The following BCAS3 variants were observed in gnomAD, a reference collection of about 807,000 sequenced individuals.
The protein encoded by BCAS3 is BCAS3 microtubule associated cell migration factor, also known as BCAS4/BCAS3 fusion.
BCAS3 carries 53 observed loss-of-function variants against 116.1 expected under a neutral mutation model. The ratio of observed to expected loss-of-function variants is 0.46; its 90% CI spans 0.37 to 0.57. The LOEUF (loss-of-function observed/expected upper bound fraction) is 0.57, where lower values mean the gene tolerates loss of function less well. Ranked by LOEUF, BCAS3 falls within the 20% of genes least tolerant of loss-of-function variation. The probability of loss-of-function intolerance (pLI) is 0.00; values close to 1 mark genes in which losing one functional copy is unlikely to be tolerated. For missense variants in BCAS3, 917 were observed against 1,165.4 expected (o/e 0.79, Z 3.10); for synonymous variants, 391 against 408.2 (o/e 0.96, Z 0.51).
Position 60,990,079 on chromosome 17 carries a change from C to A in BCAS3, c.1330C>A (p.Arg444Ser). 6.2e-7 allele frequency: 1 copy of A among 1,614,134 alleles called. No individual in the cohort carries two copies. The highest frequency in any genetic ancestry group is 8.5e-7 in the Non-Finnish European group (1 of 1,180,028). ...CCCTTATGGTGGCCAGCCTTGTGTTCGTACACATATGTCACCACGAGTAGT... is the reference window on the plus strand; with the variant it reads ...CCCTTATGGTGGCCAGCCTTGTGTTAGTACACATATGTCACCACGAGTAGT... The part of the protein sequence containing the change: ...INPYGGQPCV[R>S]THMSPRVVNR... Residue 444 changes from arginine (R) to serine (S), a missense_variant, in exon 15 of 24, where the codon CGT becomes AGT. Around this residue, in one of 3 missense-constraint regions of BCAS3, gnomAD observed 807 missense variants for 1,026.0 expected, o/e 0.79. Coordinates refer to ENST00000407086, the MANE Select transcript of BCAS3 (RefSeq NM_017679.5). This position sits in a 1 kb window ranked among gnomAD's most constrained non-coding sequence, Gnocchi z 5.1.
chr17:60,960,052 A>G lies in BCAS3; in HGVS notation c.1221+12700A>G, dbSNP rs1300201056. 9.9e-5 allele frequency among the ~76,000 whole-genome samples: 15 copies of G among 152,156 alleles called. No individual in the cohort carries two copies. Among genetic ancestry groups the G allele is most frequent in the Admixed American group, 9.8e-4 (15 of 15,260 alleles). The stretch of plus-strand genomic sequence containing the variant: ...TAAGCCCCTTCTCTTAGGATTTATA[A>G]CCTAATCACTTATTTTGCCAAAGAG... On this transcript the variant is annotated intron_variant, in intron 14 of 23. Coordinates refer to ENST00000407086, the MANE Select transcript of BCAS3 (RefSeq NM_017679.5). This position sits in a 1 kb window ranked among gnomAD's most constrained non-coding sequence, Gnocchi z 4.1.
rs2058790561 is a variant in BCAS3, at chr17:61,367,219, T to C, written c.2426-1108T>C. 6.6e-6 allele frequency among the ~76,000 whole-genome samples: 1 copy of C among 152,238 alleles called. No homozygotes were observed. The highest frequency in any genetic ancestry group is 1.5e-5 in the Non-Finnish European group (1 of 68,038). ...CGTTGGCATTTGCATTTTTTCCCCATCTTCCCGATGCTGGCAGGAACCAAG... is the reference window on the plus strand; with the variant it reads ...CGTTGGCATTTGCATTTTTTCCCCACCTTCCCGATGCTGGCAGGAACCAAG... On this transcript the variant is annotated intron_variant, in intron 22 of 23. Transcript: ENST00000407086. The surrounding 1 kb of genome is among the most constrained non-coding windows in gnomAD (Gnocchi z 6.2).
At chr17:60,726,142 G>GCC (rs2039817277) in intron 5 of BCAS3, among the ~76,000 whole-genome samples, 1 of 150,396 alleles carries the variant, frequency 6.6e-6, no homozygotes, top group Non-Finnish European at 1.5e-5. Flanking sequence ...TGATAAGACC[G>GCC]CCTTGGCCTC....
chr17:61,368,701 G>A lies in BCAS3; in HGVS notation c.2593+207G>A, dbSNP rs1443224910. 6.6e-6 allele frequency among the ~76,000 whole-genome samples: 1 copy of A among 152,186 alleles called. No homozygotes were observed. Among genetic ancestry groups the A allele is most frequent in the Non-Finnish European group, 1.5e-5 (1 of 68,036 alleles). On this transcript the variant is annotated intron_variant, in intron 23 of 23. Transcript: ENST00000407086. This position sits in a 1 kb window ranked among gnomAD's most constrained non-coding sequence, Gnocchi z 6.0. ...CCCAGTGGAACTGCCCCTCCCACGT[G>A]GAATACCACATGCAGGATTGCCATG...
Position 61,021,095 on chromosome 17 carries a change from C to T in BCAS3, c.1637+5194C>T, listed in dbSNP as rs1034140094. Among the ~76,000 whole-genome samples the T allele has an allele frequency of 1.8e-4, 27 of 152,050 alleles. No homozygotes were observed. Among genetic ancestry groups the T allele is most frequent in the African/African-American group, 6.0e-4 (25 of 41,402 alleles). On this transcript the variant is annotated intron_variant, in intron 16 of 23. Coordinates refer to ENST00000407086, the MANE Select transcript of BCAS3 (RefSeq NM_017679.5). This position sits in a 1 kb window ranked among gnomAD's most constrained non-coding sequence, Gnocchi z 4.6. ...TTTGAGACAGAGTCTTGCTCTGTCACCCAGGCTGGAGTGCAGTGGTGTGTG... is the reference window on the plus strand; with the variant it reads ...TTTGAGACAGAGTCTTGCTCTGTCATCCAGGCTGGAGTGCAGTGGTGTGTG...
intron 5 of BCAS3, among the ~76,000 whole-genome samples, chr17:60,720,658 G>A (rs926582220): frequency 6.6e-6 from 1 of 152,108 alleles, no homozygotes; most frequent in African/African-American, 2.4e-5. Context: ...AAAAATGACA[G>A]TATAGCTATT....
chr17:60,852,613 C>G (rs1268617550), intron 7 of BCAS3, among the ~76,000 whole-genome samples: 1 of 151,904 alleles, frequency 6.6e-6, no homozygotes, highest in Admixed American at 6.6e-5. Flanking sequence ...TGTACTGATC[C>G]TCAACCAATA....
At chr17:61,176,822 A>G (rs528871811) in intron 22 of BCAS3, among the ~76,000 whole-genome samples, 1 of 152,224 alleles carries the variant, frequency 6.6e-6, no homozygotes, top group Admixed American at 6.5e-5. Flanking sequence ...CAGCCTCCCA[A>G]AGTGCCAGGA....
chr17:60,689,228 C>T (rs912768607), intron 3 of BCAS3, among the ~76,000 whole-genome samples: 23 of 152,078 alleles, frequency 1.5e-4, no homozygotes, highest in African/African-American at 5.3e-4. Flanking sequence ...GGCTGGAGTG[C>T]GGTGGCACGA....
In BCAS3 at chr17:60,993,416, C is replaced by A. The variant is rs1016929354; in HGVS notation, c.1486+3181C>A. On this transcript the variant is annotated intron_variant, in intron 15 of 23. Coordinates refer to ENST00000407086, the MANE Select transcript of BCAS3 (RefSeq NM_017679.5). This position sits in a 1 kb window ranked among gnomAD's most constrained non-coding sequence, Gnocchi z 4.2. The stretch of plus-strand genomic sequence containing the variant: ...GGAGAATCCACACTGTTCGACTATG[C>A]TGCTGTACTTAAGATTTTCTTTTGA... 6.6e-6 allele frequency among the ~76,000 whole-genome samples: 1 copy of A among 152,136 alleles called. No homozygotes were observed. Among genetic ancestry groups the A allele is most frequent in the Non-Finnish European group, 1.5e-5 (1 of 68,024 alleles).
At chr17:61,284,219 C>T (rs996558519) in intron 22 of BCAS3, among the ~76,000 whole-genome samples, 2 of 152,140 alleles carry the variant, frequency 1.3e-5, no homozygotes, top group African/African-American at 4.8e-5. Context: ...TAAAAATTGG[C>T]CACCTCCCCC....
intron 6 of BCAS3, among the ~76,000 whole-genome samples, chr17:60,785,568 C>T (rs1025621244): frequency 2.0e-5 from 3 of 152,086 alleles, no homozygotes; most frequent in African/African-American, 7.2e-5. Context: ...GAATGTACAT[C>T]AGTAGGAATG....
chr17:61,208,107 TA>T lies in BCAS3; in HGVS notation c.2425+123549del, dbSNP rs1282273152. On this transcript the variant is annotated intron_variant, in intron 22 of 23. Coordinates refer to ENST00000407086, the MANE Select transcript of BCAS3 (RefSeq NM_017679.5). The surrounding 1 kb of genome is among the most constrained non-coding windows in gnomAD (Gnocchi z 4.5). ...ATTTAATATTTTAGAAAGTGGCTTA[TA>T]AAAAATTTATTGATTTCTACTTAGT... Among the ~76,000 whole-genome samples, 2 of 152,206 alleles carry T rather than the reference TA, an allele frequency of 1.3e-5. No individual in the cohort carries two copies. Among genetic ancestry groups the T allele is most frequent in the African/African-American group, 2.4e-5 (1 of 41,456 alleles).
chr17:60,976,238 A>C (rs916872356), intron 14 of BCAS3, among the ~76,000 whole-genome samples: 6 of 150,816 alleles, frequency 4.0e-5, no homozygotes, highest in African/African-American at 1.5e-4. Flanking sequence ...GTTAGCCAGG[A>C]TGGTCTCAAT....
intron 19 of BCAS3, among the ~76,000 whole-genome samples, chr17:61,064,613 A>T (rs930254192): frequency 1.3e-5 from 2 of 152,190 alleles, no homozygotes; most frequent in African/African-American, 4.8e-5. Flanking sequence ...GGGAGAAAAG[A>T]TGCACCCAGA....
intron 22 of BCAS3, among the ~76,000 whole-genome samples, chr17:61,201,022 A>T (rs9894410): frequency 0.22 from 32,700 of 150,346 alleles, 4,416 homozygotes; most frequent in African/African-American, 0.39. Flanking sequence ...AGTATATATA[A>T]AAAAAAAAAG....
At chr17:61,322,800 GAGA>G (rs2055343188) in intron 22 of BCAS3, among the ~76,000 whole-genome samples, 1 of 114,416 alleles carries the variant, frequency 8.7e-6, no homozygotes, top group Non-Finnish European at 1.8e-5. Context: ...GAGACAGAGA[GAGA>G]GAGAGAGAGA....
chr17:61,311,424 C>G (rs1216404436), intron 22 of BCAS3, among the ~76,000 whole-genome samples: 1 of 152,188 alleles, frequency 6.6e-6, no homozygotes, highest in Non-Finnish European at 1.5e-5. Flanking sequence ...TCCTTCACAG[C>G]ACGGTCCAAA....
rs746200601 is a variant in BCAS3 at position 61,037,863 on chromosome 17, A to T, written c.1763-26A>T. On this transcript the variant is annotated intron_variant, in intron 17 of 23. Coordinates refer to ENST00000407086, the MANE Select transcript of BCAS3 (RefSeq NM_017679.5). The surrounding 1 kb of genome is among the most constrained non-coding windows in gnomAD (Gnocchi z 4.7). ...TGCTCCATTTATGCCATCATAACAC[A>T]TCGGGTTCTGTTTCTCTGTTTGTAG... 1.9e-6 allele frequency: 3 copies of T among 1,606,310 alleles called. No homozygotes were observed. The South Asian group carries it at 3.3e-5, about 18-fold the overall frequency.
Sources: gnomAD v4.1 joint callset for allele counts (sites outside exome capture counted in the v4.1 genomes callset) on GRCh38, gnomAD v4.1.1 for gene constraint, gnomAD v4.1.1 regional missense constraint, Gnocchi (gnomAD v3.1) non-coding constraint, MANE v1.5 for transcripts, NCBI Gene and HGNC (gene_info 2026-07-23, HGNC 2026-07-21) for gene names.